The following ROR1 variants were observed in gnomAD, a reference collection of about 807,000 sequenced individuals.
The protein encoded by ROR1 is inactive tyrosine-protein kinase transmembrane receptor ROR1.
Under a neutral mutation model 78.8 loss-of-function variants are expected in ROR1, and 19 were observed. The observed-to-expected ratio is 0.24, with a 90% confidence interval of 0.17 to 0.35. The LOEUF (loss-of-function observed/expected upper bound fraction) is 0.35. Ranked by LOEUF, ROR1 falls within the 10% of genes least tolerant of loss-of-function variation. The probability of loss-of-function intolerance (pLI) is 1.00; values close to 1 mark genes in which losing one functional copy is unlikely to be tolerated. For synonymous variants in ROR1, 386 were observed against 433.6 expected (o/e 0.89, Z 1.36); for missense variants, 917 against 1,177.8 (o/e 0.78, Z 3.24).
At chr1:63,898,905 T>C (rs1013370093) in intron 1 of ROR1, among the ~76,000 whole-genome samples, 6 of 152,068 alleles carry the variant, frequency 3.9e-5, no homozygotes, top group Non-Finnish European at 7.4e-5. Flanking sequence ...CCCACCCCAA[T>C]AGAGGACAAA....
At chr1:64,080,530 A>C (rs747616698) in intron 4 of ROR1, among the ~76,000 whole-genome samples, 3 of 152,116 alleles carry the variant, frequency 2.0e-5, no homozygotes, top group Non-Finnish European at 2.9e-5. Flanking sequence ...GTCTCTGTGA[A>C]CTCTACCCCC....
intron 2 of ROR1, among the ~76,000 whole-genome samples, chr1:64,042,487 G>A (rs774849956): frequency 1.3e-5 from 2 of 152,172 alleles, no homozygotes; most frequent in Non-Finnish European, 2.9e-5. Flanking sequence ...TTGGTGTGAC[G>A]CAGTCTATTA....
chr1:63,917,196 T>C (rs988857353), intron 1 of ROR1, among the ~76,000 whole-genome samples: 6 of 152,216 alleles, frequency 3.9e-5, no homozygotes, highest in Admixed American at 2.0e-4. Context: ...TGTGATTACC[T>C]GATGAATGTC....
chr1:63,940,533 A>ATAGATAGATAGT (rs1557573367), intron 1 of ROR1, among the ~76,000 whole-genome samples: 9 of 150,790 alleles, frequency 6.0e-5, no homozygotes, highest in African/African-American at 2.2e-4. Flanking sequence ...AGATAGATAG[A>ATAGATAGATAGT]TAGATAGATA....
At chr1:63,843,760 G>A (rs1011464387) in intron 1 of ROR1, 2 of 409,352 alleles carry the variant, frequency 4.9e-6, no homozygotes, top group Non-Finnish European at 4.8e-6. Flanking sequence ...GCTGGGACCC[G>A]ACTGCACTCT....
At chr1:64,127,711 G>T (rs1648762290) in intron 4 of ROR1, among the ~76,000 whole-genome samples, 1 of 152,164 alleles carries the variant, frequency 6.6e-6, no homozygotes. Flanking sequence ...CTAGAATACT[G>T]TTGAGCATAG....
chr1:64,166,671 G>A (rs1337858065), intron 8 of ROR1, among the ~76,000 whole-genome samples: 1 of 152,154 alleles, frequency 6.6e-6, no homozygotes, highest in African/African-American at 2.4e-5. Flanking sequence ...AGCATTAACT[G>A]GGGTGAGGAC....
intron 1 of ROR1, among the ~76,000 whole-genome samples, chr1:63,793,811 G>C (rs1361698188): frequency 6.6e-6 from 1 of 152,198 alleles, no homozygotes; most frequent in Non-Finnish European, 1.5e-5. Context: ...TCCAGTCTGA[G>C]CTTTGTTTTT....
intron 1 of ROR1, among the ~76,000 whole-genome samples, chr1:63,867,204 A>G (rs939386666): frequency 1.3e-5 from 2 of 152,254 alleles, no homozygotes. Flanking sequence ...GCATTCCACT[A>G]TAATAGACAC....
chr1:64,126,218 T>C (rs969275284), intron 4 of ROR1, among the ~76,000 whole-genome samples: 2 of 152,150 alleles, frequency 1.3e-5, no homozygotes, highest in Admixed American at 1.3e-4. Flanking sequence ...AACTATAAGC[T>C]GTTCTTTAAT....
chr1:63,892,757 G>A (rs1293126068), intron 1 of ROR1, among the ~76,000 whole-genome samples: 3 of 152,140 alleles, frequency 2.0e-5, no homozygotes, highest in Non-Finnish European at 4.4e-5. Context: ...TCTAAACTTA[G>A]GCTTTCTCAT....
At chr1:64,033,002 G>C (rs1427066575) in intron 2 of ROR1, among the ~76,000 whole-genome samples, 2 of 152,168 alleles carry the variant, frequency 1.3e-5, no homozygotes, top group Non-Finnish European at 2.9e-5. Context: ...TGGGCACGAG[G>C]TTTCAGTTTG....
At chr1:64,076,273 T>A (rs1051012172) in intron 4 of ROR1, among the ~76,000 whole-genome samples, 6 of 151,938 alleles carry the variant, frequency 3.9e-5, no homozygotes. Flanking sequence ...ACACCTGGAG[T>A]CACCAGTAAG....
chr1:63,848,774 A>G (rs11208303), intron 1 of ROR1, among the ~76,000 whole-genome samples: 32,245 of 152,110 alleles, frequency 0.21, 3,625 homozygotes, highest in Middle Eastern at 0.26. Context: ...ATATTCCCCT[A>G]TAATGGTAAG....
intron 4 of ROR1, among the ~76,000 whole-genome samples, chr1:64,114,971 TTTGC>T (rs1329015621): frequency 6.6e-6 from 1 of 152,158 alleles, no homozygotes; most frequent in Non-Finnish European, 1.5e-5. Context: ...TGGTTGTTTG[TTTGC>T]TTGTTTTTGA....
chr1:64,073,317 C>T (rs1217280055), intron 4 of ROR1, among the ~76,000 whole-genome samples: 1 of 152,094 alleles, frequency 6.6e-6, no homozygotes, highest in African/African-American at 2.4e-5. Context: ...TCTGTGTGCC[C>T]CTTCCTGCTC....
chr1:63,789,922 T>C (rs1365702471), intron 1 of ROR1, among the ~76,000 whole-genome samples: 1 of 152,148 alleles, frequency 6.6e-6, no homozygotes, highest in Non-Finnish European at 1.5e-5. Flanking sequence ...CCAAGCTGTC[T>C]ACAACCCCCT....
intron 1 of ROR1, among the ~76,000 whole-genome samples, chr1:63,999,672 G>GTTATTTATT (rs1646367310): frequency 6.6e-6 from 1 of 152,136 alleles, no homozygotes; most frequent in Non-Finnish European, 1.5e-5. Context: ...CAGAATAGGT[G>GTTATTTATT]CTCAATAAAT....
At chr1:64,089,215 TA>T (rs74797079) in intron 4 of ROR1, among the ~76,000 whole-genome samples, 2 of 46,534 alleles carry the variant, frequency 4.3e-5, no homozygotes, top group East Asian at 3.5e-4. Context: ...ATCGAACCAG[TA>T]TTTTTTTTTT....
Sources: gnomAD v4.1 joint callset for allele counts (sites outside exome capture counted in the v4.1 genomes callset) on GRCh38, gnomAD v4.1.1 for gene constraint, MANE v1.5 for transcripts, NCBI Gene and HGNC (gene_info 2026-07-23, HGNC 2026-07-21) for gene names.